The following TRPS1 variants were observed in gnomAD, a reference collection of about 807,000 sequenced individuals.
TRPS1 encodes the protein transcriptional repressor GATA binding 1.
TRPS1 carries 6 observed loss-of-function variants against 101.2 expected under a neutral mutation model. The observed-to-expected ratio is 0.06, with a 90% CI of 0.03 to 0.12. The LOEUF (loss-of-function observed/expected upper bound fraction) is 0.12. TRPS1 is among the 10% of genes least tolerant of loss of function. The probability of loss-of-function intolerance (pLI) is 1.00; values close to 1 mark genes in which losing one functional copy is unlikely to be tolerated. For synonymous variants in TRPS1, 578 were observed against 589.8 expected (o/e 0.98, Z 0.29); for missense variants, 1,363 against 1,567.0 (o/e 0.87, Z 2.20).
chr8:115,624,659 T>C (rs1434927781), intron 1 of TRPS1, among the ~76,000 whole-genome samples: 1 of 151,984 alleles, frequency 6.6e-6, no homozygotes, highest in Non-Finnish European at 1.5e-5. Context: ...AATGCTTTGC[T>C]TTCTTAGAAA....
chr8:115,644,943 G>GGTA (rs1309801915), intron 1 of TRPS1, among the ~76,000 whole-genome samples: 1 of 152,014 alleles, frequency 6.6e-6, no homozygotes, highest in Non-Finnish European at 1.5e-5. Context: ...ATCTTACGTG[G>GGTA]GTACCATTCA....
At chr8:115,605,083 G>T in intron 3 of TRPS1, 81 bp from the exon 4 acceptor site, 1 of 1,325,148 alleles carries the variant, frequency 7.5e-7, no homozygotes, top group Non-Finnish European at 1.1e-6. Flanking sequence ...GGAGGGTACT[G>T]CCAAGTATTC....
At chr8:115,478,424 T>C (rs1331306108) in intron 5 of TRPS1, among the ~76,000 whole-genome samples, 3 of 152,218 alleles carry the variant, frequency 2.0e-5, no homozygotes, top group Non-Finnish European at 4.4e-5. Flanking sequence ...TTTAACATTG[T>C]TTGATTTCCC....
At chr8:115,635,077 G>A (rs1818737509) in intron 1 of TRPS1, among the ~76,000 whole-genome samples, 1 of 152,102 alleles carries the variant, frequency 6.6e-6, no homozygotes, top group African/African-American at 2.4e-5. Context: ...AAATACTTTG[G>A]AGAGTGCTAA....
intron 5 of TRPS1, among the ~76,000 whole-genome samples, chr8:115,437,964 C>T (rs75777352): frequency 1.3e-5 from 2 of 152,028 alleles, no homozygotes; most frequent in South Asian, 2.1e-4. Flanking sequence ...ATCTAGCAAG[C>T]GAATCTCATA....
At chr8:115,638,264 T>C (rs727581) in intron 1 of TRPS1, among the ~76,000 whole-genome samples, 76,157 of 152,092 alleles carry the variant, frequency 0.5, 22,634 homozygotes, top group African/African-American at 0.83. Flanking sequence ...CCCAATGACT[T>C]GCCATCCAGA....
chr8:115,628,982 C>T (rs1818576027), intron 1 of TRPS1, among the ~76,000 whole-genome samples: 1 of 151,798 alleles, frequency 6.6e-6, no homozygotes, highest in Non-Finnish European at 1.5e-5. Flanking sequence ...GACGTGTGTC[C>T]AATCTAGACT....
intron 5 of TRPS1, among the ~76,000 whole-genome samples, chr8:115,433,395 AT>A (rs1301160607): frequency 3.9e-5 from 6 of 152,110 alleles, no homozygotes; most frequent in Non-Finnish European, 5.9e-5. Flanking sequence ...TATCCTAAAA[AT>A]ATCTTTAGAT....
intron 5 of TRPS1, among the ~76,000 whole-genome samples, chr8:115,576,537 C>G (rs1352306030): frequency 2.6e-5 from 4 of 152,078 alleles, no homozygotes; most frequent in Non-Finnish European, 1.5e-5. Flanking sequence ...GCTTGAGTGA[C>G]TCACCCAGGG....
At chr8:115,655,219 CAAAG>C (rs911353255) in intron 1 of TRPS1, among the ~76,000 whole-genome samples, 19 of 152,228 alleles carry the variant, frequency 1.2e-4, no homozygotes, top group South Asian at 8.3e-4. Context: ...TAAAGAAAAA[CAAAG>C]AAGTAAAACC....
Position 115,418,380 on chromosome 8 carries a change from T to C in TRPS1, c.2773A>G (p.Asn925Asp), listed in dbSNP as rs1192566725. The change falls in exon 6 of 7, where the codon AAT becomes GAT. Residue 925 changes from asparagine (N) to aspartate (D), a missense_variant. Asn to Asp is a conservative substitution (Grantham distance 23). Coordinates refer to ENST00000395715, the MANE Select transcript of TRPS1 (RefSeq NM_014112.5). This position sits in a 1 kb window ranked among gnomAD's most constrained non-coding sequence, Gnocchi z 4.3. ...CACGCGTTGCATACATATCCGCCAT[T>C]TGCATTCTTTCGCCAGAGAGAGGTC... Reference protein sequence around the residue: ...TKTSLWRKNANGGYVCNACGL... With the variant: ...TKTSLWRKNADGGYVCNACGL... The C allele has an allele frequency of 1.2e-6, 2 of 1,613,976 alleles. No individual in the cohort carries two copies. Among genetic ancestry groups the C allele is most frequent in the African/African-American group, 1.3e-5 (1 of 74,882 alleles).
At chr8:115,559,805 G>A (rs576696541) in intron 5 of TRPS1, among the ~76,000 whole-genome samples, 2 of 152,058 alleles carry the variant, frequency 1.3e-5, no homozygotes, top group East Asian at 3.9e-4. Flanking sequence ...TTTCCCCCAG[G>A]TGTACATCTT....
At chr8:115,438,738 C>T (rs1023409535) in intron 5 of TRPS1, among the ~76,000 whole-genome samples, 3 of 152,050 alleles carry the variant, frequency 2.0e-5, no homozygotes, top group African/African-American at 7.2e-5. Context: ...TCTCCCTGCC[C>T]CTCCTGCCTT....
At chr8:115,546,244 C>T (rs1000705399) in intron 5 of TRPS1, among the ~76,000 whole-genome samples, 1 of 151,412 alleles carries the variant, frequency 6.6e-6, no homozygotes, top group Non-Finnish European at 1.5e-5. Context: ...CATATGTATA[C>T]ACTATATACA....
chr8:115,565,086 T>C (rs1817035457), intron 5 of TRPS1, among the ~76,000 whole-genome samples: 2 of 152,076 alleles, frequency 1.3e-5, no homozygotes, highest in African/African-American at 4.8e-5. Context: ...CCCGTGGGAA[T>C]AGAGACCTTA....
chr8:115,554,997 T>C (rs1414086416), intron 5 of TRPS1, among the ~76,000 whole-genome samples: 1 of 152,168 alleles, frequency 6.6e-6, no homozygotes, highest in African/African-American at 2.4e-5. Context: ...CCTCAAACAC[T>C]GAGGGACTCT....
chr8:115,409,740 ATCT>A lies in TRPS1; in HGVS notation c.*4280_*4282del, dbSNP rs1256445376. 6.6e-6 allele frequency: 1 copy of A among 152,010 alleles called. No homozygotes were observed. Among genetic ancestry groups the A allele is most frequent in the Non-Finnish European group, 1.5e-5 (1 of 67,988 alleles). The allele number at this position is 152,010 out of a possible 1,614,324, so 9.4% of individuals were successfully genotyped here. A position where few individuals can be genotyped will look rare whatever the true frequency, so the allele number is the denominator to read the frequency against. On this transcript the variant is annotated 3_prime_UTR_variant, in exon 7 of 7. Coordinates refer to ENST00000395715, the MANE Select transcript of TRPS1 (RefSeq NM_014112.5). ...CCAAAGTCCCGACGGGCGTCCTTCT[ATCT>A]TCTTCTCATTTGCAGTTGCCTGCTG...
At chr8:115,442,953 G>A (rs1241359859) in intron 5 of TRPS1, among the ~76,000 whole-genome samples, 2 of 152,074 alleles carry the variant, frequency 1.3e-5, no homozygotes, top group South Asian at 2.1e-4. Flanking sequence ...AAAATTAGCC[G>A]GACGTGGTGG....
chr8:115,657,139 C>T (rs1811693846), intron 1 of TRPS1, among the ~76,000 whole-genome samples: 1 of 152,062 alleles, frequency 6.6e-6, no homozygotes, highest in Admixed American at 6.6e-5. Context: ...CAACTTTCGG[C>T]ACTTAAAACA....
Sources: allele counts gnomAD v4.1 joint callset (sites outside exome capture counted in the v4.1 genomes callset), GRCh38; gene constraint gnomAD v4.1.1; non-coding constraint Gnocchi (gnomAD v3.1); transcripts MANE v1.5; gene names NCBI Gene and HGNC (gene_info 2026-07-23, HGNC 2026-07-21).